The following IL33 variants were observed in gnomAD, a reference collection of about 807,000 sequenced individuals.
The protein encoded by IL33 is interleukin-33.
In IL33, 37 loss-of-function variants were observed where a neutral mutation model predicts 27.3. That is an observed-to-expected ratio of 1.36 (90% CI 1.04 to 1.78). IL33 has a LOEUF of 1.78. IL33 is among the 40% of genes most tolerant of loss of function. IL33 has a pLI of 0.00. For synonymous variants in IL33, 132 were observed against 102.9 expected, an observed-to-expected ratio of 1.28 and a Z score of -1.71; for missense variants, 406 against 311.4, an observed-to-expected ratio of 1.30 and a Z score of -2.29.
In IL33 at chr9:6,247,766, T is replaced by G. The variant is rs532323564; in HGVS notation, c.92-2708T>G. 7.2e-5 allele frequency among the ~76,000 whole-genome samples: 11 copies of G among 152,148 alleles called. No individual in the cohort carries two copies. The South Asian group carries it at 2.1e-3, about 29-fold the overall frequency. On this transcript the variant is annotated intron_variant, in intron 2 of 7. Transcript: ENST00000682010. The stretch of plus-strand genomic sequence containing the variant: ...CTCTCCAGAACACAACCCTCACACT[T>G]TCAGCTTCCCAAAACACCAAAGCAT...
chr9:6,215,521 A>G (rs1177822778), upstream of IL33, among the ~76,000 whole-genome samples: 3 of 152,222 alleles, frequency 2.0e-5, no homozygotes, highest in East Asian at 3.9e-4. Context: ...AGAATTTCAA[A>G]ATGGACAGTG....
At chr9:6,220,363 C>G (rs1467454130) in intron 1 of IL33, among the ~76,000 whole-genome samples, 1 of 152,164 alleles carries the variant, frequency 6.6e-6, no homozygotes, top group African/African-American at 2.4e-5. Flanking sequence ...GACATAGTTC[C>G]TAGCAAAGAT....
intron 4 of IL33, among the ~76,000 whole-genome samples, chr9:6,251,945 C>T (rs922857604): frequency 2.0e-5 from 3 of 150,934 alleles, no homozygotes; most frequent in Non-Finnish European, 4.4e-5. Context: ...GAGGCTGAGG[C>T]ACAAGAATTG....
At position 6,251,168 on chromosome 9, in the gene IL33, C is replaced by T. The variant is rs767997091; in HGVS notation, c.246C>T (p.Leu82=). ...GAAAGCACAAAAGACATCTGGTACT[C>T]GCTGCCTGTCAACAGCAGTCTACTG... ...TGRKHKRHLV[L]AACQQQSTVE... Residue 82 remains leucine, a synonymous_variant, in exon 4 of 8, where the codon CTC becomes CTT. Transcript: ENST00000682010. 1.9e-5 allele frequency: 30 copies of T among 1,613,782 alleles called. No individual in the cohort carries two copies. Among genetic ancestry groups the T allele is most frequent in the Non-Finnish European group, 2.3e-5 (27 of 1,179,874 alleles).
rs145735086 is a variant in IL33, at chr9:6,253,575, G to T, written c.493G>T (p.Glu165Ter). 12 of 1,608,648 alleles carry T rather than the reference G, an allele frequency of 7.5e-6. No homozygotes were observed. The African/African-American group carries it at 1.1e-4, about 14-fold the overall frequency. Residue 165 changes from glutamate (E) to a stop codon, truncating the protein, a stop_gained, in exon 6 of 8, where the codon GAG becomes TAG. Transcript: ENST00000682010. LOFTEE classifies it high-confidence loss of function. ...AGATAAGGTGTTACTGAGTTACTAT[G>T]AGTCTCAACACCCCTCAAATGAATC... The part of the protein sequence containing the change: ...KKDKVLLSYY[E>*]SQHPSNESGD...
intron 1 of IL33, among the ~76,000 whole-genome samples, chr9:6,231,623 A>G (rs75920980): frequency 0.021 from 3,208 of 152,300 alleles, 120 homozygotes; most frequent in African/African-American, 0.072. Context: ...TATCTCCCCA[A>G]TAGAAAGTAA....
chr9:6,250,779 G>A (rs999612177), intron 3 of IL33, among the ~76,000 whole-genome samples, 180 bp downstream of exon 3: 4 of 152,302 alleles, frequency 2.6e-5, no homozygotes, highest in Non-Finnish European at 5.9e-5. Flanking sequence ...AATAGCATGA[G>A]AGAAATGATT....
intron 1 of IL33, among the ~76,000 whole-genome samples, chr9:6,217,396 GTTA>G (rs911049661): frequency 2.0e-5 from 3 of 152,058 alleles, no homozygotes; most frequent in African/African-American, 7.2e-5. Context: ...TTGGTGAAGG[GTTA>G]TTATCATTTA....
rs1816496000 is a variant in IL33, at chr9:6,252,983, A to G, written c.461A>G (p.Glu154Gly). The change falls in exon 5 of 8, where the codon GAA (glutamate) becomes GGA (glycine). Residue 154 changes from glutamate to glycine, a missense_variant. Glu to Gly is a moderately conservative substitution (Grantham distance 98). Coordinates refer to ENST00000682010, the MANE Select transcript of IL33 (RefSeq NM_033439.4). The part of the protein sequence containing the change: ...EIYVEDLKKD[E>G]KKDKVLLSYY... ...TATGTTGAAGACTTGAAAAAAGATG[A>G]AAAGAAAGGTAGATTATTTTCTTTT... 6.6e-7 allele frequency: 1 copy of G among 1,524,380 alleles called. No individual in the cohort carries two copies. The highest frequency in any genetic ancestry group is 8.9e-7 in the Non-Finnish European group (1 of 1,118,882). The allele number at this position is 1,524,380 out of a possible 1,614,324, so 94.4% of individuals were successfully genotyped here. A position where few individuals can be genotyped will look rare whatever the true frequency, so the allele number is the denominator to read the frequency against.
At chr9:6,251,358 G>T in intron 4 of IL33, 93 bp downstream of exon 4, 1 of 1,557,784 alleles carries the variant, frequency 6.4e-7, no homozygotes. Flanking sequence ...TCCCAAGTCT[G>T]TGTCTTTAAT....
intron 7 of IL33, among the ~76,000 whole-genome samples, chr9:6,254,926 A>C (rs1290381149): frequency 6.6e-6 from 1 of 152,146 alleles, no homozygotes. Context: ...GAATGATCTC[A>C]AATCCTTTCT....
chr9:6,241,251 C>T (rs878864173), intron 1 of IL33, among the ~76,000 whole-genome samples: 1 of 152,154 alleles, frequency 6.6e-6, no homozygotes, highest in Non-Finnish European at 1.5e-5. Flanking sequence ...ATAGCAAATA[C>T]ATAAACCAGT....
chr9:6,246,909 G>A (rs1045450631), intron 2 of IL33, among the ~76,000 whole-genome samples: 7 of 152,188 alleles, frequency 4.6e-5, no homozygotes, highest in Non-Finnish European at 8.8e-5. Context: ...CAGCAGAAAA[G>A]AGACTAAGAC....
intron 4 of IL33, among the ~76,000 whole-genome samples, chr9:6,251,810 T>G (rs952833094): frequency 6.7e-6 from 1 of 150,152 alleles, no homozygotes; most frequent in Non-Finnish European, 1.5e-5. Flanking sequence ...GAGGCCGAGG[T>G]TGATGGATCA....
chr9:6,237,521 C>T (rs1819290878), intron 1 of IL33, among the ~76,000 whole-genome samples: 1 of 152,128 alleles, frequency 6.6e-6, no homozygotes. Flanking sequence ...CAAAGTTCTT[C>T]CAAGTGCGTT....
intron 2 of IL33, among the ~76,000 whole-genome samples, chr9:6,248,990 G>C (rs1816175950): frequency 6.6e-6 from 1 of 152,152 alleles, no homozygotes; most frequent in South Asian, 2.1e-4. Context: ...CTTGTCAGGA[G>C]AATAAGTACA....
At chr9:6,222,590 G>C (rs1587607520) in intron 1 of IL33, among the ~76,000 whole-genome samples, 1 of 152,104 alleles carries the variant, frequency 6.6e-6, no homozygotes, top group Non-Finnish European at 1.5e-5. Flanking sequence ...GAGAAAAAAA[G>C]CCTGCAAAAG....
rs376499782 is a variant in IL33 at position 6,256,186 on chromosome 9, G to C, written c.*18G>C. 15 of 1,594,522 alleles carry C rather than the reference G, an allele frequency of 9.4e-6. No homozygotes were observed. The African/African-American group carries it at 1.1e-4, about 11-fold the overall frequency. On this transcript the variant is annotated 3_prime_UTR_variant, in exon 8 of 8. Transcript: ENST00000682010. ...AAACTTAGTTGATGGAAACCTGTGAGTCTTGGGTTGAGTACCCAAATGCTA... is the reference window on the plus strand; with the variant it reads ...AAACTTAGTTGATGGAAACCTGTGACTCTTGGGTTGAGTACCCAAATGCTA...
intron 1 of IL33, among the ~76,000 whole-genome samples, chr9:6,226,474 A>C (rs1587613503): frequency 1.3e-5 from 2 of 152,034 alleles, no homozygotes; most frequent in Non-Finnish European, 2.9e-5. Flanking sequence ...GTTATAAAAC[A>C]GTCTCATTTT....
Sources: gnomAD v4.1 joint callset for allele counts (sites outside exome capture counted in the v4.1 genomes callset) on GRCh38, gnomAD v4.1.1 for gene constraint, MANE v1.5 for transcripts, NCBI Gene and HGNC (gene_info 2026-07-23, HGNC 2026-07-21) for gene names.